The following RASA1 variants were observed in gnomAD, a reference collection of about 807,000 sequenced individuals.
RASA1 encodes the protein ras GTPase-activating protein 1.
Under a neutral mutation model 132.2 loss-of-function variants are expected in RASA1, and 25 were observed. The observed-to-expected ratio is 0.19, with a 90% CI of 0.14 to 0.26. The LOEUF is 0.26. Among genes scored for constraint, RASA1 ranks in the 10% least tolerant of loss-of-function variants. The probability of loss-of-function intolerance (pLI) is 1.00; values close to 1 mark genes in which losing one functional copy is unlikely to be tolerated. For synonymous variants in RASA1, 477 were observed against 449.9 expected, an observed-to-expected ratio of 1.06 and a Z score of -0.76; for missense variants, 964 against 1,299.2, an observed-to-expected ratio of 0.74 and a Z score of 3.97.
In RASA1 at chr5:87,349,455, G is replaced by C; in HGVS notation, c.1253+91G>C. On this transcript the variant is annotated intron_variant, in intron 8 of 24. Transcript: ENST00000274376. ...TATTCAGAGTCAAAATTATATAAAAGTTTCTAACTTCTAAAAATTATAAGA... is the reference window on the plus strand; with the variant it reads ...TATTCAGAGTCAAAATTATATAAAACTTTCTAACTTCTAAAAATTATAAGA... The C allele has an allele frequency of 2.1e-6, 3 of 1,422,798 alleles. No individual in the cohort carries two copies. The African/African-American group carries it at 4.3e-5, about 21-fold the overall frequency. 88.1% of individuals were successfully genotyped at this position (1,422,798 alleles called of 1,614,324 possible).
intron 1 of RASA1, among the ~76,000 whole-genome samples, chr5:87,329,966 G>A (rs1017908721): frequency 1.1e-4 from 16 of 152,072 alleles, no homozygotes; most frequent in Admixed American, 2.6e-4. Context: ...AAATTTACTT[G>A]TCATTTGTCT....
intron 8 of RASA1, among the ~76,000 whole-genome samples, chr5:87,351,074 T>C (rs538495363): frequency 6.6e-6 from 1 of 151,626 alleles, no homozygotes; most frequent in South Asian, 2.1e-4. Context: ...TGCTGTCCCA[T>C]CTCCCCATTA....
intron 1 of RASA1, among the ~76,000 whole-genome samples, chr5:87,284,976 A>G (rs1219166397): frequency 1.3e-5 from 2 of 152,044 alleles, no homozygotes; most frequent in African/African-American, 2.4e-5. Flanking sequence ...AACATTTAAC[A>G]TTAAAGTTAG....
intron 1 of RASA1, among the ~76,000 whole-genome samples, chr5:87,288,701 G>C (rs1194733472): frequency 1.3e-5 from 2 of 152,060 alleles, no homozygotes; most frequent in East Asian, 3.9e-4. Context: ...ATTGGATATA[G>C]GCTTTTTTTT....
intron 1 of RASA1, among the ~76,000 whole-genome samples, chr5:87,289,224 A>T (rs530401384): frequency 4.6e-5 from 7 of 152,312 alleles, no homozygotes; most frequent in African/African-American, 1.7e-4. Flanking sequence ...CATTACTGGC[A>T]GAGATATGCC....
Position 87,363,373 on chromosome 5 carries a change from A to C in RASA1, c.1479A>C (p.Leu493Phe). The C allele has an allele frequency of 6.2e-7, 1 of 1,610,650 alleles. No homozygotes were observed. ...GCAAAGGAAAACGTTGGAAAAATTTATATTTTATCTTAGAGGGTAGTGATG... is the reference window on the plus strand; with the variant it reads ...GCAAAGGAAAACGTTGGAAAAATTTCTATTTTATCTTAGAGGGTAGTGATG... ...KKGKGKRWKN[L>F]YFILEGSDAQ... Residue 493 changes from leucine to phenylalanine, a missense_variant, in exon 11 of 25, where the codon TTA becomes TTC. Leu to Phe is a conservative substitution (Grantham distance 22). Around this residue, in one of 6 missense-constraint regions of RASA1, gnomAD observed 346 missense variants for 520.1 expected, o/e 0.67. Coordinates refer to ENST00000274376, the MANE Select transcript of RASA1 (RefSeq NM_002890.3).
intron 1 of RASA1, among the ~76,000 whole-genome samples, chr5:87,285,761 G>GGC (rs1259198403): frequency 6.6e-6 from 1 of 151,156 alleles, no homozygotes; most frequent in East Asian, 2.0e-4. Flanking sequence ...TGGGATCATA[G>GGC]GCGCACACCA....
intron 11 of RASA1, among the ~76,000 whole-genome samples, chr5:87,364,586 T>C (rs2112462232): frequency 6.6e-6 from 1 of 152,140 alleles, no homozygotes; most frequent in South Asian, 2.1e-4. Context: ...GAGGACAGGA[T>C]TTCTTGAGAT....
Position 87,268,507 on chromosome 5 carries a change from G to T in RASA1, c.56G>T (p.Gly19Val). Reference protein sequence around the residue: ...EEGGPVTAGAGGGGAAAGSSA... With the variant: ...EEGGPVTAGAVGGGAAAGSSA... ...GGCGGCCCGGTAACAGCCGGAGCTG[G>T]AGGAGGCGGCGCGGCAGCGGGCTCC... The change falls in exon 1 of 25, where the codon GGA becomes GTA. Residue 19 changes from glycine (G) to valine (V), a missense_variant. Gly to Val is a moderately radical substitution (Grantham distance 109). Transcript: ENST00000274376. 6.4e-7 allele frequency: 1 copy of T among 1,569,694 alleles called. No homozygotes were observed. The highest frequency in any genetic ancestry group is 8.6e-7 in the Non-Finnish European group (1 of 1,159,056).
chr5:87,280,961 G>C (rs1754292436), intron 1 of RASA1, among the ~76,000 whole-genome samples: 1 of 150,458 alleles, frequency 6.6e-6, no homozygotes, highest in Non-Finnish European at 1.5e-5. Flanking sequence ...ATGTTCCATT[G>C]CATGTATATA....
At chr5:87,359,289 C>A (rs367725065) in intron 9 of RASA1, among the ~76,000 whole-genome samples, 3 of 152,134 alleles carry the variant, frequency 2.0e-5, no homozygotes, top group Admixed American at 2.0e-4. Flanking sequence ...TAGACTCTAA[C>A]CAATCAGATT....
intron 12 of RASA1, among the ~76,000 whole-genome samples, chr5:87,370,825 T>G (rs1760880613): frequency 6.6e-6 from 1 of 152,132 alleles, no homozygotes; most frequent in Non-Finnish European, 1.5e-5. Flanking sequence ...ACCCTAGATA[T>G]GAGGAAGATG....
intron 1 of RASA1, among the ~76,000 whole-genome samples, chr5:87,319,528 C>G (rs992951512): frequency 1.9e-4 from 29 of 152,364 alleles, no homozygotes; most frequent in Admixed American, 1.8e-3. Flanking sequence ...TGGCTTGCAC[C>G]CTCTGAAGCC....
chr5:87,360,985 A>T (rs1211223155), intron 9 of RASA1, among the ~76,000 whole-genome samples: 1 of 152,232 alleles, frequency 6.6e-6, no homozygotes, highest in Admixed American at 6.5e-5. Flanking sequence ...TTATGTTTTT[A>T]CAAAAGATGC....
Position 87,331,374 on chromosome 5 carries a change from C to T in RASA1, c.566C>T (p.Thr189Met), listed in dbSNP as rs986802785. The T allele has an allele frequency of 3.4e-5, 54 of 1,611,684 alleles. No homozygotes were observed. The highest frequency in any genetic ancestry group is 3.9e-5 in the Non-Finnish European group (46 of 1,178,016). Residue 189 changes from threonine to methionine, a missense_variant, in exon 2 of 25, where the codon ACG (threonine) becomes ATG (methionine). By Grantham distance (81) the Thr-to-Met change is moderately conservative. Around this residue, in one of 6 missense-constraint regions of RASA1, gnomAD observed 326 missense variants for 275.8 expected, o/e 1.18. Coordinates refer to ENST00000274376, the MANE Select transcript of RASA1 (RefSeq NM_002890.3). Reference protein sequence around the residue: ...NQWYHGKLDRTIAEERLRQAG... With the variant: ...NQWYHGKLDRMIAEERLRQAG... ...TGGTATCACGGAAAACTTGACAGAACGATAGCAGAAGAACGCCTCAGGCAG... is the reference window on the plus strand; with the variant it reads ...TGGTATCACGGAAAACTTGACAGAATGATAGCAGAAGAACGCCTCAGGCAG...
At position 87,377,045 on chromosome 5, in the gene RASA1, G is replaced by A. The variant is rs778333322; in HGVS notation, c.2344+5G>A. ...ACAGAGAAATAAGCATGGAAGGTAT[G>A]GTATGGCCATGTTAGTGTGATACAA... On this transcript the variant is annotated splice_donor_5th_base_variant and intron_variant, in intron 17 of 24. Transcript: ENST00000274376. 8 of 1,612,130 alleles carry A rather than the reference G, an allele frequency of 5.0e-6. No homozygotes were observed. The highest frequency in any genetic ancestry group is 6.8e-6 in the Non-Finnish European group (8 of 1,178,438).
chr5:87,268,305 C>T lies in RASA1; in HGVS notation c.-147C>T, dbSNP rs962369156. The T allele has an allele frequency of 1.3e-5, 15 of 1,148,988 alleles. No individual in the cohort carries two copies. The East Asian group carries it at 3.4e-4, about 26-fold the overall frequency. 71.2% of individuals were successfully genotyped at this position (1,148,988 alleles called of 1,614,324 possible). Reference sequence around the variant, plus strand: ...GCTGTGGCCCTAGGAGGGGGCGCGGCGGCGGGCTCTCTCCTTTTGTTGTTG... The same window carrying T: ...GCTGTGGCCCTAGGAGGGGGCGCGGTGGCGGGCTCTCTCCTTTTGTTGTTG... On this transcript the variant is annotated 5_prime_UTR_variant, in exon 1 of 25. Coordinates refer to ENST00000274376, the MANE Select transcript of RASA1 (RefSeq NM_002890.3).
intron 12 of RASA1, 65 bp downstream of exon 12, chr5:87,369,965 G>C: frequency 7.6e-7 from 1 of 1,320,498 alleles, no homozygotes; most frequent in Non-Finnish European, 1.1e-6. Context: ...TTATTAACTG[G>C]AATAGAAAAT....
At chr5:87,284,935 T>C (rs917742484) in intron 1 of RASA1, among the ~76,000 whole-genome samples, 3 of 152,118 alleles carry the variant, frequency 2.0e-5, no homozygotes, top group Admixed American at 2.0e-4. Flanking sequence ...TTTGACATTG[T>C]TTTTTAAGAA....
Sources: allele counts gnomAD v4.1 joint callset (sites outside exome capture counted in the v4.1 genomes callset), GRCh38; gene constraint gnomAD v4.1.1; regional missense constraint gnomAD v4.1.1; transcripts MANE v1.5; gene names NCBI Gene and HGNC (gene_info 2026-07-23, HGNC 2026-07-21).